The following MAML2 variants were observed in gnomAD, a reference collection of about 807,000 sequenced individuals.
MAML2 encodes the protein mastermind like transcriptional coactivator 2.
MAML2 carries 22 observed loss-of-function variants against 96.1 expected under a neutral mutation model. That is an observed-to-expected ratio of 0.23 (90% CI 0.16 to 0.33). The LOEUF (loss-of-function observed/expected upper bound fraction) is 0.33, where lower values mean the gene tolerates loss of function less well. Among genes scored for constraint, MAML2 ranks in the 10% least tolerant of loss-of-function variants. MAML2 has a pLI of 1.00. For missense variants in MAML2, 1,367 were observed against 1,392.4 expected (o/e 0.98, Z 0.29); for synonymous variants, 561 against 521.3 (o/e 1.08, Z -1.04).
At chr11:96,225,443 A>G (rs1862197667) in intron 1 of MAML2, among the ~76,000 whole-genome samples, 1 of 152,224 alleles carries the variant, frequency 6.6e-6, no homozygotes, top group South Asian at 2.1e-4. Flanking sequence ...GACCTGTACC[A>G]GAACCACCCA....
At chr11:96,215,530 C>T (rs756646934) in intron 1 of MAML2, among the ~76,000 whole-genome samples, 34 of 152,130 alleles carry the variant, frequency 2.2e-4, no homozygotes, top group Non-Finnish European at 4.1e-4. Flanking sequence ...CATTGTTGTC[C>T]CCTCTTTGGG....
At chr11:96,315,327 C>T (rs773331809) in intron 1 of MAML2, among the ~76,000 whole-genome samples, 5 of 152,104 alleles carry the variant, frequency 3.3e-5, no homozygotes, top group Non-Finnish European at 5.9e-5. Context: ...TAAACATTCC[C>T]TAAATAATCC....
chr11:96,018,403 A>G (rs756846858), intron 2 of MAML2, among the ~76,000 whole-genome samples: 2 of 152,196 alleles, frequency 1.3e-5, no homozygotes, highest in Non-Finnish European at 2.9e-5. Context: ...AAAGATACTG[A>G]AAGTCATGAA....
At chr11:96,288,894 A>T (rs551989422) in intron 1 of MAML2, among the ~76,000 whole-genome samples, 9 of 152,352 alleles carry the variant, frequency 5.9e-5, no homozygotes, top group Non-Finnish European at 1.0e-4. Flanking sequence ...TTTTTCTACT[A>T]ATAAGCCAAG....
intron 1 of MAML2, among the ~76,000 whole-genome samples, chr11:96,221,689 C>CTTT (rs71040137): frequency 9.6e-4 from 102 of 105,758 alleles, no homozygotes; most frequent in African/African-American, 3.0e-3. Flanking sequence ...TTCAGTCAAG[C>CTTT]TTTTTTTTTT....
At chr11:96,228,905 A>G (rs890091230) in intron 1 of MAML2, among the ~76,000 whole-genome samples, 5 of 152,170 alleles carry the variant, frequency 3.3e-5, no homozygotes, top group African/African-American at 1.2e-4. Flanking sequence ...GGTCTCTTGT[A>G]AAGTTATCTT....
chr11:96,266,537 C>T (rs1287928333), intron 1 of MAML2, among the ~76,000 whole-genome samples: 1 of 151,538 alleles, frequency 6.6e-6, no homozygotes, highest in Admixed American at 6.6e-5. Context: ...CACCACTGCA[C>T]TCCACCCTGG....
chr11:96,323,327 T>G (rs1372027777), intron 1 of MAML2, among the ~76,000 whole-genome samples: 1 of 152,206 alleles, frequency 6.6e-6, no homozygotes, highest in East Asian at 1.9e-4. Flanking sequence ...TGTACGTTTC[T>G]GTTGCTCCTT....
intron 1 of MAML2, among the ~76,000 whole-genome samples, chr11:96,241,414 G>A (rs138841683): frequency 1.8e-4 from 27 of 152,304 alleles, no homozygotes; most frequent in African/African-American, 5.8e-4. Context: ...CTTGACAGGG[G>A]GTGATTTGGC....
At chr11:96,003,875 T>C (rs1858136623) in intron 2 of MAML2, among the ~76,000 whole-genome samples, 2 of 152,176 alleles carry the variant, frequency 1.3e-5, no homozygotes, top group Non-Finnish European at 2.9e-5. Context: ...ATAGTATTTA[T>C]AGTAATACTA....
In MAML2 at chr11:96,198,922, G is replaced by A. The variant is rs1861771004; in HGVS notation, c.514-105405C>T. 7.3e-5 allele frequency among the ~76,000 whole-genome samples: 11 copies of A among 149,890 alleles called. No individual in the cohort carries two copies. The South Asian group carries it at 2.3e-3, about 32-fold the overall frequency. On this transcript the variant is annotated intron_variant, in intron 1 of 4. Transcript: ENST00000524717. ...TAAAGAGAGGGGTAGTCCTGGCTGG[G>A]TGCGGTGGCTCACGTCTGTAATCCC...
chr11:96,138,754 A>G (rs1315090215), intron 1 of MAML2, among the ~76,000 whole-genome samples: 1 of 151,708 alleles, frequency 6.6e-6, no homozygotes, highest in Non-Finnish European at 1.5e-5. Context: ...AAAGCTTTCC[A>G]GGTAGAGATC....
intron 1 of MAML2, among the ~76,000 whole-genome samples, chr11:96,269,071 C>A (rs1393487207): frequency 2.1e-5 from 3 of 145,008 alleles, no homozygotes; most frequent in Admixed American, 7.3e-5. Context: ...TAATCCACTT[C>A]ATTCATATAC....
At chr11:96,097,308 A>G (rs1859847544) in intron 1 of MAML2, among the ~76,000 whole-genome samples, 2 of 152,232 alleles carry the variant, frequency 1.3e-5, no homozygotes, top group Admixed American at 1.3e-4. Context: ...AACAAGACCT[A>G]ACCAGGGGAA....
At chr11:96,243,391 G>A (rs1862464241) in intron 1 of MAML2, among the ~76,000 whole-genome samples, 1 of 152,170 alleles carries the variant, frequency 6.6e-6, no homozygotes, top group African/African-American at 2.4e-5. Context: ...TGCTAGAGGA[G>A]GCCAGCTCTG....
At chr11:96,134,749 T>C (rs1365662999) in intron 1 of MAML2, among the ~76,000 whole-genome samples, 1 of 152,222 alleles carries the variant, frequency 6.6e-6, no homozygotes, top group Non-Finnish European at 1.5e-5. Context: ...TTTTATTTCC[T>C]CAAGCTAAGA....
intron 1 of MAML2, among the ~76,000 whole-genome samples, chr11:96,104,394 G>A: frequency 6.6e-6 from 1 of 152,186 alleles, no homozygotes; most frequent in Non-Finnish European, 1.5e-5. Context: ...TCATATGTCT[G>A]TGCCAATTTT....
At chr11:96,106,062 G>C (rs921232067) in intron 1 of MAML2, among the ~76,000 whole-genome samples, 3 of 152,122 alleles carry the variant, frequency 2.0e-5, no homozygotes, top group African/African-American at 7.2e-5. Context: ...TTTAAATGAC[G>C]TTAGGATGGA....
intron 1 of MAML2, among the ~76,000 whole-genome samples, chr11:96,282,256 A>AAT (rs989774428): frequency 5.7e-4 from 84 of 147,918 alleles, no homozygotes; most frequent in Non-Finnish European, 7.3e-4. Context: ...CTCAAAAAAA[A>AAT]AATAATAATA....
Sources: gnomAD v4.1 joint callset for allele counts (sites outside exome capture counted in the v4.1 genomes callset) on GRCh38, gnomAD v4.1.1 for gene constraint, MANE v1.5 for transcripts, NCBI Gene and HGNC (gene_info 2026-07-23, HGNC 2026-07-21) for gene names.